The following CDK11A variants were observed in gnomAD, a reference collection of about 807,000 sequenced individuals.
CDK11A encodes the protein cyclin dependent kinase 11A.
A neutral mutation model predicts 83.6 loss-of-function variants in CDK11A; 55 were observed. The observed-to-expected ratio is 0.66, with a 90% CI of 0.53 to 0.82. CDK11A has a LOEUF of 0.82. Ranked by LOEUF, CDK11A falls within the 40% of genes least tolerant of loss-of-function variation. The pLI is 0.00. For synonymous variants in CDK11A, 247 were observed against 302.7 expected (o/e 0.82, Z 1.91); for missense variants, 564 against 810.1 (o/e 0.70, Z 3.69).
chr1:1,702,511 C>G lies in CDK11A; in HGVS notation c.*396G>C, dbSNP rs1306907565. ...CCTGTGTGGACAGGGCTGGTCTGGA[C>G]GAGTGGGTTGGGGCAAGAGGGCATC... On this transcript the variant is annotated 3_prime_UTR_variant, in exon 20 of 20. Coordinates refer to ENST00000404249, the MANE Select transcript of CDK11A (RefSeq NM_024011.4). Among the ~76,000 whole-genome samples the G allele has an allele frequency of 4.4e-4, 53 of 119,762 alleles. No homozygotes were observed. The highest frequency in any genetic ancestry group is 1.5e-3 in the African/African-American group (51 of 35,154). 78.6% of individuals were successfully genotyped at this position (119,762 alleles called of 152,430 possible). A position where few individuals can be genotyped will look rare whatever the true frequency, so the allele number is the denominator to read the frequency against.
intron 5 of CDK11A, 51 bp downstream of exon 5, chr1:1,716,295 C>T: frequency 6.3e-7 from 1 of 1,581,200 alleles, no homozygotes; most frequent in Non-Finnish European, 8.6e-7. Context: ...TGTGACAGGA[C>T]ACACTACCAC....
chr1:1,703,996 C>T, intron 16 of CDK11A, 43 bp downstream of exon 16: 1 of 1,605,256 alleles, frequency 6.2e-7, no homozygotes, highest in Non-Finnish European at 8.5e-7. Context: ...CTGTGGGAGG[C>T]TGCATGGGGG....
chr1:1,716,442 C>T lies in CDK11A; in HGVS notation c.392G>A (p.Arg131His), dbSNP rs766098874. The T allele has an allele frequency of 6.2e-6, 10 of 1,608,678 alleles. No homozygotes were observed. The highest frequency in any genetic ancestry group is 2.2e-5 in the East Asian group (1 of 44,798). Residue 131 changes from arginine (R) to histidine (H), a missense_variant, in exon 5 of 20, where the codon CGT becomes CAT. By Grantham distance (29) the Arg-to-His change is conservative. This residue lies in a region of CDK11A where 151 missense variants were observed against 147.4 expected (regional missense o/e 1.02). Transcript: ENST00000404249. The part of the protein sequence containing the change: ...HARVKEREHE[R>H]RKRHREEQDK... ...CTGTTCTTCTCGATGTCGTTTCCGA[C>T]GTTCGTGCTCTCTTTCTTTCACTCT...
rs142556515 is a variant in CDK11A, at chr1:1,706,352, C to T, written c.1246-620G>A. ...CCTCCCAAAGTGCTGGGATTACAGG[C>T]GTGAGCCACTGTGCCTGGCCAAAAC... On this transcript the variant is annotated intron_variant, in intron 11 of 19. Coordinates refer to ENST00000404249, the MANE Select transcript of CDK11A (RefSeq NM_024011.4). Among the ~76,000 whole-genome samples the T allele has an allele frequency of 5.7e-4, 87 of 151,366 alleles. 3 individuals carry two copies. Among genetic ancestry groups the T allele is most frequent in the Admixed American group, 4.9e-3 (74 of 15,170 alleles).
At position 1,713,001 on chromosome 1, in the gene CDK11A, T is replaced by G. The variant is rs1215442402; in HGVS notation, c.489-601A>C. 1.7e-4 allele frequency among the ~76,000 whole-genome samples: 7 copies of G among 40,714 alleles called. 3 individuals carry two copies. Among genetic ancestry groups the G allele is most frequent in the African/African-American group, 2.9e-4 (7 of 23,862 alleles). 26.7% of individuals were successfully genotyped at this position (40,714 alleles called of 152,430 possible). On this transcript the variant is annotated intron_variant, in intron 5 of 19. Transcript: ENST00000404249. ...TTGTTTCTAGCTTTTTTTTTTTTTT[T>G]GAGACAGGGTCTTGGTTTGTCACCC... is the stretch of plus-strand genomic sequence containing the variant.
chr1:1,708,439 G>A (rs1321955536), intron 9 of CDK11A, among the ~76,000 whole-genome samples, 194 bp from the exon 10 acceptor site: 6 of 148,428 alleles, frequency 4.0e-5, no homozygotes, highest in African/African-American at 1.3e-4. Context: ...TCAGGAGTTC[G>A]AGACCATCCT....
intron 11 of CDK11A, among the ~76,000 whole-genome samples, chr1:1,707,143 G>A (rs1359649155): frequency 6.9e-6 from 1 of 144,112 alleles, no homozygotes; most frequent in Non-Finnish European, 1.5e-5. Flanking sequence ...AGTGACAGCA[G>A]CGCGGCCGCA....
chr1:1,716,814 CAAAAAAAAAAAAAAAAAAAAAAAA>C (rs1168780288), intron 4 of CDK11A, among the ~76,000 whole-genome samples: 1 of 76,722 alleles, frequency 1.3e-5, no homozygotes, highest in African/African-American at 5.9e-5. Context: ...GACTCCATCT[CAAAAAAAAAAAAAAAAAAAAAAAA>C]AAAAAAAAAA....
chr1:1,716,473 G>T lies in CDK11A; in HGVS notation c.361C>A (p.His121Asn). ...TGCTCTCTTTCTTTCACTCTAGCAT[G>T]CTTCCCTAATGAGAAATAAAGTGTC... is the stretch of plus-strand genomic sequence containing the variant. ...HHSHSAEGGK[H>N]ARVKEREHER... Residue 121 changes from histidine (H) to asparagine (N), a missense_variant, in exon 5 of 20, where the codon CAT becomes AAT. His to Asn is a moderately conservative substitution (Grantham distance 68, BLOSUM62 1). Coordinates refer to ENST00000404249, the MANE Select transcript of CDK11A (RefSeq NM_024011.4). 6.2e-7 allele frequency: 1 copy of T among 1,607,814 alleles called. No individual in the cohort carries two copies. Among genetic ancestry groups the T allele is most frequent in the Non-Finnish European group, 8.5e-7 (1 of 1,176,106 alleles).
chr1:1,704,646 C>T lies in CDK11A; in HGVS notation c.1468G>A (p.Val490Met), dbSNP rs1257806308. The change falls in exon 14 of 20, where the codon GTG becomes ATG. Residue 490 changes from valine (V) to methionine (M), a missense_variant. Val to Met is a conservative substitution (Grantham distance 21). Transcript: ENST00000404249. ...TAGATCTTGTCCATGTTGCTGCCCACCACAATCTCCTGCAGGGCACGGCTC... is the reference window on the plus strand; with the variant it reads ...TAGATCTTGTCCATGTTGCTGCCCATCACAATCTCCTGCAGGGCACGGCTC... Reference protein sequence around the residue: ...PNIVTVREIVVGSNMDKIYIV... With the variant: ...PNIVTVREIVMGSNMDKIYIV... 1.3e-6 allele frequency: 2 copies of T among 1,597,214 alleles called. No individual in the cohort carries two copies. The highest frequency in any genetic ancestry group is 1.4e-5 in the African/African-American group (1 of 73,550).
chr1:1,703,503 G>T lies in CDK11A; in HGVS notation c.2033C>A (p.Ser678Ter). The T allele has an allele frequency of 4.5e-6, 7 of 1,541,146 alleles. No individual in the cohort carries two copies. The highest frequency in any genetic ancestry group is 5.2e-6 in the Non-Finnish European group (6 of 1,152,836). ...GTTCATGAGGTCGAAGCCCTGGTCT[G>T]AGAGCAGAGCCCCGAAGCGCTTGCG... ...NLRKRFGALL[S>*]DQGFDLMNKF... The change falls in exon 18 of 20, where the codon TCA (serine) becomes TAA (stop). Residue 678 changes from serine (S) to a stop codon, truncating the protein, a stop_gained. Transcript: ENST00000404249. LOFTEE classifies it high-confidence loss of function.
At chr1:1,716,249 A>G (rs1161353435) in intron 5 of CDK11A, 97 bp downstream of exon 5, 1 of 1,401,854 alleles carries the variant, frequency 7.1e-7, no homozygotes, top group Non-Finnish European at 9.9e-7. Context: ...CTTCTGCAAC[A>G]AATGTGACTT....
intron 11 of CDK11A, among the ~76,000 whole-genome samples, chr1:1,706,642 G>A (rs1443942126): frequency 1.3e-5 from 2 of 151,410 alleles, no homozygotes; most frequent in African/African-American, 4.9e-5. Flanking sequence ...TACCTGCCAG[G>A]CGCAGCATGA....
chr1:1,703,988 G>C, intron 16 of CDK11A, 48 bp from the exon 17 acceptor site: 2 of 1,606,518 alleles, frequency 1.2e-6, no homozygotes, highest in Non-Finnish European at 8.5e-7. Flanking sequence ...CCGCGAAGCT[G>C]TGGGAGGCTG....
At chr1:1,716,325 C>T (rs749820169) in intron 5 of CDK11A, 21 bp downstream of exon 5, 1 of 1,607,094 alleles carries the variant, frequency 6.2e-7, no homozygotes, top group South Asian at 1.1e-5. Context: ...ATAAAGTCCT[C>T]AACTGACCCA....
At chr1:1,716,003 T>G (rs964434279) in intron 5 of CDK11A, among the ~76,000 whole-genome samples, 5 of 150,904 alleles carry the variant, frequency 3.3e-5, no homozygotes, top group African/African-American at 1.2e-4. Flanking sequence ...CATAGCTTAC[T>G]GCAGCCTTGA....
intron 4 of CDK11A, among the ~76,000 whole-genome samples, chr1:1,717,392 T>C (rs61777460): frequency 1.3e-5 from 2 of 150,756 alleles, no homozygotes; most frequent in East Asian, 2.0e-4. Context: ...CCCGTAAGAA[T>C]CTCCTGATGT....
At chr1:1,717,235 A>G (rs1255414129) in intron 4 of CDK11A, among the ~76,000 whole-genome samples, 3 of 151,278 alleles carry the variant, frequency 2.0e-5, no homozygotes, top group Non-Finnish European at 4.4e-5. Flanking sequence ...TCAGTTTTAT[A>G]ATACAAAAAC....
intron 4 of CDK11A, among the ~76,000 whole-genome samples, chr1:1,716,814 C>CAAAAAAAAAA (rs1168780288): frequency 6.5e-5 from 5 of 76,680 alleles, no homozygotes; most frequent in East Asian, 7.6e-4. Flanking sequence ...GACTCCATCT[C>CAAAAAAAAAA]AAAAAAAAAA....
Sources: gnomAD v4.1 joint callset for allele counts (sites outside exome capture counted in the v4.1 genomes callset) on GRCh38, gnomAD v4.1.1 for gene constraint, gnomAD v4.1.1 regional missense constraint, MANE v1.5 for transcripts, NCBI Gene and HGNC (gene_info 2026-07-23, HGNC 2026-07-21) for gene names.